The following GNAQ variants were observed in gnomAD, a reference collection of about 807,000 sequenced individuals.
The protein encoded by GNAQ is guanine nucleotide-binding protein G(q) subunit alpha.
A neutral mutation model predicts 43.9 loss-of-function variants in GNAQ; 8 were observed. The ratio of observed to expected loss-of-function variants is 0.18; its 90% confidence interval spans 0.11 to 0.33. The LOEUF (loss-of-function observed/expected upper bound fraction) is 0.33. GNAQ is among the 10% of genes least tolerant of loss of function. GNAQ has a pLI of 1.00. For synonymous variants in GNAQ, 155 were observed against 170.7 expected (o/e 0.91, Z 0.71); for missense variants, 158 against 450.8 (o/e 0.35, Z 5.88).
chr9:77,973,569 C>G (rs1823264003), intron 1 of GNAQ, among the ~76,000 whole-genome samples: 1 of 152,184 alleles, frequency 6.6e-6, no homozygotes, highest in East Asian at 1.9e-4. Flanking sequence ...GTAATCCCAG[C>G]ACTTTGGGAG....
At chr9:77,796,398 C>T (rs1350161118) in intron 4 of GNAQ, among the ~76,000 whole-genome samples, 1 of 152,020 alleles carries the variant, frequency 6.6e-6, no homozygotes, top group Non-Finnish European at 1.5e-5. Context: ...GTGGGCGCTC[C>T]TAGAAAATCA....
chr9:77,885,446 C>CA (rs1828286290), intron 2 of GNAQ, among the ~76,000 whole-genome samples: 1 of 151,616 alleles, frequency 6.6e-6, no homozygotes. Context: ...GAGAAAAAAG[C>CA]AAACACATAC....
At chr9:78,030,234 C>T (rs10870011) in intron 1 of GNAQ, among the ~76,000 whole-genome samples, 114,418 of 152,050 alleles carry the variant, frequency 0.75, 43,346 homozygotes, top group African/African-American at 0.8. Flanking sequence ...CTATTGTGAA[C>T]TGAGGCCTAC....
chr9:78,026,965 T>G (rs1464576231), intron 1 of GNAQ, among the ~76,000 whole-genome samples: 2 of 152,226 alleles, frequency 1.3e-5, no homozygotes, highest in Non-Finnish European at 2.9e-5. Context: ...AAAAATTCAC[T>G]GAGCCCTGTA....
chr9:77,722,342 G>T (rs1825329434), intron 6 of GNAQ, among the ~76,000 whole-genome samples: 1 of 151,884 alleles, frequency 6.6e-6, no homozygotes, highest in Non-Finnish European at 1.5e-5. Flanking sequence ...TTGCCATGTT[G>T]GCCAGGCTGT....
rs1823569105 is a variant in GNAQ, at chr9:77,996,503, C to T, written c.136+34597G>A. Among the ~76,000 whole-genome samples, 4 of 151,864 alleles carry T rather than the reference C, an allele frequency of 2.6e-5. No homozygotes were observed. In the South Asian group the frequency reaches 8.3e-4, roughly 32 times the overall value. ...GACCAGCCTGATCAACATGGTGAAACCCTATCCCTACAAAAAATACAGAAG... is the reference window on the plus strand; with the variant it reads ...GACCAGCCTGATCAACATGGTGAAATCCTATCCCTACAAAAAATACAGAAG... On this transcript the variant is annotated intron_variant, in intron 1 of 6. Coordinates refer to ENST00000286548, the MANE Select transcript of GNAQ (RefSeq NM_002072.5).
chr9:77,728,696 CAAG>C (rs1825439303), intron 5 of GNAQ, 29 bp from the exon 6 acceptor site: 3 of 1,461,656 alleles, frequency 2.1e-6, no homozygotes, highest in Admixed American at 2.0e-5. Context: ...TCAGAAAAAA[CAAG>C]GAGTGAATTA....
At chr9:77,853,957 T>A (rs1017926737) in intron 2 of GNAQ, among the ~76,000 whole-genome samples, 10 of 152,118 alleles carry the variant, frequency 6.6e-5, no homozygotes, top group Non-Finnish European at 1.2e-4. Context: ...GTTGATATGA[T>A]GACAAGCCAC....
intron 2 of GNAQ, among the ~76,000 whole-genome samples, chr9:77,914,497 T>TA: frequency 6.6e-6 from 1 of 152,078 alleles, no homozygotes; most frequent in African/African-American, 2.4e-5. Flanking sequence ...TTGTCTCTAT[T>TA]AAAAAATACA....
intron 2 of GNAQ, among the ~76,000 whole-genome samples, chr9:77,891,878 C>T (rs750829683): frequency 4.6e-5 from 7 of 152,174 alleles, no homozygotes; most frequent in Non-Finnish European, 7.3e-5. Context: ...AGCAACTAAT[C>T]CTTGTGGACA....
chr9:77,863,954 T>C (rs185948909), intron 2 of GNAQ, among the ~76,000 whole-genome samples: 53 of 152,230 alleles, frequency 3.5e-4, no homozygotes, highest in South Asian at 1.5e-3. Flanking sequence ...AAGATGAGAT[T>C]TGGGTGGGGA....
intron 3 of GNAQ, among the ~76,000 whole-genome samples, chr9:77,799,970 C>T (rs2118465141): frequency 6.6e-6 from 1 of 152,250 alleles, no homozygotes; most frequent in South Asian, 2.1e-4. Flanking sequence ...TGGACTAGAC[C>T]CAGAATTTTA....
chr9:77,977,798 A>G (rs925376838), intron 1 of GNAQ, among the ~76,000 whole-genome samples: 1 of 152,166 alleles, frequency 6.6e-6, no homozygotes, highest in African/African-American at 2.4e-5. Context: ...TACTTCTGCC[A>G]TATTTTGATC....
At chr9:77,755,657 T>C (rs1825890415) in intron 5 of GNAQ, among the ~76,000 whole-genome samples, 9 of 152,230 alleles carry the variant, frequency 5.9e-5, no homozygotes, top group Admixed American at 5.9e-4. Flanking sequence ...ATTGACTTCA[T>C]AACAGCATTT....
chr9:77,929,027 A>G (rs1587415427), intron 1 of GNAQ, among the ~76,000 whole-genome samples: 1 of 152,218 alleles, frequency 6.6e-6, no homozygotes, highest in South Asian at 2.1e-4. Context: ...AAATAAATAA[A>G]TAAAAATAAA....
intron 1 of GNAQ, among the ~76,000 whole-genome samples, chr9:77,990,932 A>T (rs1823500038): frequency 1.3e-5 from 2 of 152,194 alleles, no homozygotes; most frequent in African/African-American, 2.4e-5. Flanking sequence ...TATACATACG[A>T]AAGAAAATCT....
At chr9:77,762,162 G>C (rs1323235365) in intron 5 of GNAQ, among the ~76,000 whole-genome samples, 1 of 139,614 alleles carries the variant, frequency 7.2e-6, no homozygotes, top group Non-Finnish European at 1.6e-5. Flanking sequence ...CCCCGTCCGG[G>C]AGGTGAGGGG....
chr9:78,025,846 G>A (rs1823972914), intron 1 of GNAQ, among the ~76,000 whole-genome samples: 1 of 152,112 alleles, frequency 6.6e-6, no homozygotes, highest in African/African-American at 2.4e-5. Context: ...CTTCCTTAGA[G>A]AATCTTGTTA....
chr9:77,984,048 G>GAAAAAAA (rs1564170418), intron 1 of GNAQ, among the ~76,000 whole-genome samples: 326 of 24,692 alleles, frequency 0.013, 15 homozygotes, highest in African/African-American at 0.064. Context: ...ATTTTGGAGA[G>GAAAAAAA]CAAAAAAAAA....
Sources: gnomAD v4.1 joint callset for allele counts (sites outside exome capture counted in the v4.1 genomes callset) on GRCh38, gnomAD v4.1.1 for gene constraint, MANE v1.5 for transcripts, NCBI Gene and HGNC (gene_info 2026-07-23, HGNC 2026-07-21) for gene names.